CNOT2: variants seen among roughly 807,000 people sequenced by gnomAD.
CNOT2 encodes the protein CCR4-NOT transcription complex subunit 2.
In CNOT2, 7 loss-of-function variants were observed where a neutral mutation model predicts 72.1. The observed-to-expected ratio is 0.10, with a 90% CI of 0.06 to 0.18. CNOT2 has a LOEUF of 0.18. Ranked by LOEUF, CNOT2 falls within the 10% of genes least tolerant of loss-of-function variation. The pLI is 1.00. For synonymous variants in CNOT2, 196 were observed against 225.6 expected (o/e 0.87, Z 1.17); for missense variants, 345 against 660.3 (o/e 0.52, Z 5.23).
intron 2 of CNOT2, among the ~76,000 whole-genome samples, chr12:70,278,710 T>G (rs907461897): frequency 1.3e-5 from 2 of 152,176 alleles, no homozygotes; most frequent in African/African-American, 2.4e-5. Context: ...GAAATAGAAA[T>G]GAGAAACCCA....
At chr12:70,260,440 G>A (rs981088433) in intron 1 of CNOT2, among the ~76,000 whole-genome samples, 3 of 151,968 alleles carry the variant, frequency 2.0e-5, no homozygotes, top group Admixed American at 2.0e-4. Flanking sequence ...ATTGTTCATT[G>A]TTATTGTATA....
intron 1 of CNOT2, among the ~76,000 whole-genome samples, chr12:70,253,392 A>G (rs1338504021): frequency 6.6e-6 from 1 of 152,230 alleles, no homozygotes; most frequent in African/African-American, 2.4e-5. Flanking sequence ...GTTGGTTCCC[A>G]TGCCATTTCC....
Position 70,299,797 on chromosome 12 carries a change from A to G in CNOT2, c.49-11098A>G, listed in dbSNP as rs1873555371. Among the ~76,000 whole-genome samples the G allele has an allele frequency of 7.2e-5, 11 of 152,210 alleles. No individual in the cohort carries two copies. In the South Asian group the frequency reaches 2.1e-3, roughly 29 times the overall value. ...AGTTCTAGATCCCTGAGGAATCGCC[A>G]CACTGACTTCCACAATGGTTGAACT... On this transcript the variant is annotated intron_variant, in intron 2 of 15. Transcript: ENST00000229195.
intron 1 of CNOT2, among the ~76,000 whole-genome samples, chr12:70,249,017 A>G (rs1958017739): frequency 6.6e-6 from 1 of 152,046 alleles, no homozygotes; most frequent in Non-Finnish European, 1.5e-5. Flanking sequence ...TTTCAAACAT[A>G]TTGATATACT....
At chr12:70,333,501 C>T (rs994091388) in intron 7 of CNOT2, among the ~76,000 whole-genome samples, 1 of 151,886 alleles carries the variant, frequency 6.6e-6, no homozygotes, top group Non-Finnish European at 1.5e-5. Flanking sequence ...CTCCACCCTA[C>T]AGACCCTTTC....
chr12:70,351,658 TACTC>T (rs779941631), intron 15 of CNOT2, among the ~76,000 whole-genome samples: 2 of 152,226 alleles, frequency 1.3e-5, no homozygotes, highest in African/African-American at 4.8e-5. Context: ...TTAGTTAACT[TACTC>T]AGTATAACTT....
At chr12:70,329,044 A>C (rs1879526798) in intron 4 of CNOT2, among the ~76,000 whole-genome samples, 1 of 151,958 alleles carries the variant, frequency 6.6e-6, no homozygotes, top group Non-Finnish European at 1.5e-5. Context: ...TAAAGACATA[A>C]AAACACATTA....
intron 2 of CNOT2, among the ~76,000 whole-genome samples, chr12:70,307,265 T>G (rs1442229112): frequency 6.6e-6 from 1 of 152,228 alleles, no homozygotes; most frequent in Non-Finnish European, 1.5e-5. Context: ...CCTTTTTAAT[T>G]TTTTAAAATC....
intron 4 of CNOT2, chr12:70,323,384 G>A (rs1316921229): frequency 1.3e-5 from 2 of 151,730 alleles, no homozygotes; most frequent in East Asian, 1.9e-4. Context: ...AATCTAGTAG[G>A]ATAAGTACAC....
At chr12:70,331,772 A>G (rs1346566598) in intron 6 of CNOT2, 3 of 151,818 alleles carry the variant, frequency 2.0e-5, no homozygotes, top group Non-Finnish European at 4.4e-5. Context: ...GTTTCACTAT[A>G]GGTTTATAGA....
chr12:70,302,078 T>A (rs552356422), intron 2 of CNOT2, among the ~76,000 whole-genome samples: 152 of 152,332 alleles, frequency 1.0e-3, no homozygotes, highest in African/African-American at 3.3e-3. Context: ...CCCTTTGGCA[T>A]TTTTTATTGC....
chr12:70,304,252 C>T (rs1405274802), intron 2 of CNOT2, among the ~76,000 whole-genome samples: 2 of 152,324 alleles, frequency 1.3e-5, no homozygotes, highest in East Asian at 3.9e-4. Context: ...TGAGGAGCTA[C>T]ATTCCTTTGG....
At chr12:70,305,853 G>A (rs1462536476) in intron 2 of CNOT2, among the ~76,000 whole-genome samples, 6 of 110,086 alleles carry the variant, frequency 5.5e-5, no homozygotes, top group Admixed American at 5.2e-4. Flanking sequence ...TGAAGTTCTT[G>A]GTTATTTTAT....
At chr12:70,250,794 A>G (rs556809394) in intron 1 of CNOT2, among the ~76,000 whole-genome samples, 1 of 152,126 alleles carries the variant, frequency 6.6e-6, no homozygotes, top group Non-Finnish European at 1.5e-5. Context: ...GAAATTTCAT[A>G]AACAATTACT....
intron 2 of CNOT2, among the ~76,000 whole-genome samples, chr12:70,284,327 C>T (rs1034278927): frequency 7.9e-5 from 12 of 151,956 alleles, no homozygotes; most frequent in Non-Finnish European, 1.6e-4. Context: ...TCACTGCAAC[C>T]TCTGCCACCT....
chr12:70,354,297 A>T lies in CNOT2; in HGVS notation c.*382A>T. 5.3e-6 allele frequency: 1 copy of T among 190,018 alleles called. No individual in the cohort carries two copies. The highest frequency in any genetic ancestry group is 5.9e-5 in the Admixed American group (1 of 16,924). 11.8% of individuals were successfully genotyped at this position (190,018 alleles called of 1,614,324 possible). A position where few individuals can be genotyped will look rare whatever the true frequency, so the allele number is the denominator to read the frequency against. On this transcript the variant is annotated 3_prime_UTR_variant, in exon 16 of 16. Transcript: ENST00000229195. ...AAGAAAATTAGACCACAAATTTTGC[A>T]TTGTTCATTGTAGCACTATTGGTAA... is the stretch of plus-strand genomic sequence containing the variant.
intron 1 of CNOT2, among the ~76,000 whole-genome samples, chr12:70,269,527 A>G (rs1959177858): frequency 6.6e-6 from 1 of 152,208 alleles, no homozygotes; most frequent in Admixed American, 6.5e-5. Flanking sequence ...TTGACTAAAC[A>G]AACTCAGTAA....
intron 1 of CNOT2, among the ~76,000 whole-genome samples, chr12:70,275,421 GT>G (rs1685980831): frequency 6.6e-6 from 1 of 151,912 alleles, no homozygotes; most frequent in South Asian, 2.1e-4. Context: ...AAAAAATTTA[GT>G]TCCAGTTTCC....
At chr12:70,318,368 C>G (rs1392970751) in intron 3 of CNOT2, among the ~76,000 whole-genome samples, 3 of 151,656 alleles carry the variant, frequency 2.0e-5, no homozygotes, top group African/African-American at 4.8e-5. Flanking sequence ...TATTACAAAT[C>G]TTTATTTTTT....
Sources: allele counts gnomAD v4.1 joint callset (sites outside exome capture counted in the v4.1 genomes callset), GRCh38; gene constraint gnomAD v4.1.1; transcripts MANE v1.5; gene names NCBI Gene and HGNC (gene_info 2026-07-23, HGNC 2026-07-21).